The following KLHL18 variants were observed in gnomAD, a reference collection of about 807,000 sequenced individuals.
KLHL18 encodes the protein kelch like family member 18.
A neutral mutation model predicts 58.5 loss-of-function variants in KLHL18; 38 were observed. The ratio of observed to expected loss-of-function variants is 0.65; its 90% confidence interval spans 0.50 to 0.85. The LOEUF is 0.85. Ranked by LOEUF, KLHL18 falls within the 40% of genes least tolerant of loss-of-function variation. KLHL18 has a pLI of 0.00. For missense variants in KLHL18, 624 were observed against 778.4 expected (o/e 0.80, Z 2.36); for synonymous variants, 303 against 301.9 (o/e 1.00, Z -0.04).
At chr3:47,307,541 C>CTT (rs58081377) in intron 1 of KLHL18, among the ~76,000 whole-genome samples, 18 of 143,560 alleles carry the variant, frequency 1.3e-4, no homozygotes, top group Admixed American at 8.3e-4. Flanking sequence ...GATTTTTCTT[C>CTT]TTTTTTTTTT....
chr3:47,312,539 G>A (rs1455065612), intron 1 of KLHL18, among the ~76,000 whole-genome samples: 1 of 152,160 alleles, frequency 6.6e-6, no homozygotes, highest in Non-Finnish European at 1.5e-5. Flanking sequence ...TAGGAGTGGG[G>A]AAGAGGGGAG....
intron 3 of KLHL18, among the ~76,000 whole-genome samples, chr3:47,324,086 G>T (rs916822750): frequency 6.6e-6 from 1 of 152,050 alleles, no homozygotes; most frequent in Non-Finnish European, 1.5e-5. Flanking sequence ...GTTTTATAAA[G>T]ACCTTGTAGT....
chr3:47,287,610 T>C (rs1470204504), intron 1 of KLHL18, among the ~76,000 whole-genome samples: 1 of 151,964 alleles, frequency 6.6e-6, no homozygotes, highest in East Asian at 1.9e-4. Context: ...CTCAGCCTCT[T>C]GAGTAGCTGG....
In KLHL18 at chr3:47,334,338, G is replaced by A. The variant is rs1038328390; in HGVS notation, c.762-345G>A. 1.3e-5 allele frequency among the ~76,000 whole-genome samples: 2 copies of A among 152,152 alleles called. No homozygotes were observed. The highest frequency in any genetic ancestry group is 2.4e-5 in the African/African-American group (1 of 41,428). On this transcript the variant is annotated intron_variant, in intron 5 of 9. Transcript: ENST00000232766. The surrounding 1 kb of genome is among the most constrained non-coding windows in gnomAD (Gnocchi z 4.7). ...GCAGGTTGCAAGCCACGGTGCAGTCGTAGGGATGGAAAGGAAGGGCTAGGT... is the reference window on the plus strand; with the variant it reads ...GCAGGTTGCAAGCCACGGTGCAGTCATAGGGATGGAAAGGAAGGGCTAGGT...
intron 3 of KLHL18, among the ~76,000 whole-genome samples, chr3:47,327,937 T>C (rs1342861180): frequency 6.6e-6 from 1 of 152,186 alleles, no homozygotes; most frequent in East Asian, 1.9e-4. Flanking sequence ...CCCGGCCAAT[T>C]TTTAATCTGA....
chr3:47,319,860 C>A, intron 2 of KLHL18, 77 bp downstream of exon 2: 1 of 1,495,930 alleles, frequency 6.7e-7, no homozygotes, highest in Non-Finnish European at 9.3e-7. Flanking sequence ...CCGTTGAGGA[C>A]CTGCAGCAGG....
At chr3:47,333,911 A>T (rs576891354) in intron 5 of KLHL18, among the ~76,000 whole-genome samples, 1 of 152,366 alleles carries the variant, frequency 6.6e-6, no homozygotes, top group South Asian at 2.1e-4. Context: ...GTAGAACAGC[A>T]GAGAAAAATG....
At chr3:47,295,604 C>T (rs1159789051) in intron 1 of KLHL18, among the ~76,000 whole-genome samples, 1 of 151,852 alleles carries the variant, frequency 6.6e-6, no homozygotes, top group Non-Finnish European at 1.5e-5. Context: ...CAGGGTCTTG[C>T]TCTTGCCCAG....
chr3:47,328,898 A>G (rs907500447), intron 3 of KLHL18, among the ~76,000 whole-genome samples: 5 of 152,152 alleles, frequency 3.3e-5, no homozygotes, highest in African/African-American at 9.6e-5. Context: ...TGGGAGGCCG[A>G]GGCAGGTGGG....
At position 47,344,055 on chromosome 3, in the gene KLHL18, C is replaced by T. The variant is rs1032953510; in HGVS notation, c.*114C>T. 1.3e-5 allele frequency: 18 copies of T among 1,365,080 alleles called. No individual in the cohort carries two copies. Among genetic ancestry groups the T allele is most frequent in the African/African-American group, 5.8e-5 (4 of 68,682 alleles). 84.6% of individuals were successfully genotyped at this position (1,365,080 alleles called of 1,614,324 possible). A position where few individuals can be genotyped will look rare whatever the true frequency, so the allele number is the denominator to read the frequency against. On this transcript the variant is annotated 3_prime_UTR_variant, in exon 10 of 10. Coordinates refer to ENST00000232766, the MANE Select transcript of KLHL18 (RefSeq NM_025010.5). ...CAGAAGAGATGGCGAAACGTGAGCT[C>T]GCCGGAGGTACAGTTTTTCCAGGTG... is the stretch of plus-strand genomic sequence containing the variant.
At chr3:47,324,746 G>C (rs555164744) in intron 3 of KLHL18, among the ~76,000 whole-genome samples, 4 of 152,264 alleles carry the variant, frequency 2.6e-5, no homozygotes, top group Admixed American at 2.0e-4. Context: ...GCTAAGGTGG[G>C]AGAACTGCTT....
intron 4 of KLHL18, 65 bp from the exon 5 acceptor site, chr3:47,333,092 T>G: frequency 1.3e-6 from 2 of 1,530,166 alleles, no homozygotes; most frequent in South Asian, 1.2e-5. Flanking sequence ...GCATTGAGAT[T>G]GGAGGCCTGG....
At chr3:47,330,609 C>T (rs183281211) in intron 4 of KLHL18, among the ~76,000 whole-genome samples, 64 of 151,686 alleles carry the variant, frequency 4.2e-4, no homozygotes, top group Non-Finnish European at 1.5e-5. Flanking sequence ...ATTTTAGTGT[C>T]TAAATAGCAT....
chr3:47,341,644 C>T (rs1319559459), intron 8 of KLHL18, among the ~76,000 whole-genome samples: 1 of 152,082 alleles, frequency 6.6e-6, no homozygotes, highest in African/African-American at 2.4e-5. Flanking sequence ...TCACTGTAAT[C>T]GAGAACAGCA....
At chr3:47,283,378 C>G in intron 1 of KLHL18, 1 of 475,968 alleles carries the variant, frequency 2.1e-6, no homozygotes, top group Non-Finnish European at 3.8e-6. Context: ...TTCTGTCATG[C>G]AGACAAGAGA....
At chr3:47,290,206 A>G (rs1702762210) in intron 1 of KLHL18, among the ~76,000 whole-genome samples, 1 of 152,210 alleles carries the variant, frequency 6.6e-6, no homozygotes, top group Non-Finnish European at 1.5e-5. Flanking sequence ...AGTAGGGAAC[A>G]AAGCATCCTT....
At chr3:47,331,425 C>CTTTTTT (rs71098479) in intron 4 of KLHL18, among the ~76,000 whole-genome samples, 2 of 58,540 alleles carry the variant, frequency 3.4e-5, no homozygotes, top group African/African-American at 7.2e-5. Flanking sequence ...CATGCCAGGC[C>CTTTTTT]TTTTTTTTTT....
intron 1 of KLHL18, among the ~76,000 whole-genome samples, chr3:47,306,859 G>A (rs1047095424): frequency 6.6e-6 from 1 of 152,110 alleles, no homozygotes; most frequent in African/African-American, 2.4e-5. Context: ...TCATTGTGAT[G>A]CTAGCATTCC....
intron 1 of KLHL18, among the ~76,000 whole-genome samples, chr3:47,292,390 C>G (rs1476310118): frequency 6.6e-6 from 1 of 151,732 alleles, no homozygotes; most frequent in Non-Finnish European, 1.5e-5. Flanking sequence ...GGGAGAATTG[C>G]TTGAACCCAG....
Sources: allele counts gnomAD v4.1 joint callset (sites outside exome capture counted in the v4.1 genomes callset), GRCh38; gene constraint gnomAD v4.1.1; non-coding constraint Gnocchi (gnomAD v3.1); transcripts MANE v1.5; gene names NCBI Gene and HGNC (gene_info 2026-07-23, HGNC 2026-07-21).